Variants in IMMP2L observed in about 807,000 individuals in gnomAD.
IMMP2L encodes mitochondrial inner membrane protease subunit 2.
A neutral mutation model predicts 19.3 loss-of-function variants in IMMP2L; 18 were observed. The ratio of observed to expected loss-of-function variants is 0.93; its 90% CI spans 0.64 to 1.38. The LOEUF (loss-of-function observed/expected upper bound fraction) is 1.38, where lower values mean the gene tolerates loss of function less well. Among genes scored for constraint, IMMP2L ranks in the 40% most tolerant of loss-of-function variants. The pLI, the probability that IMMP2L is intolerant of heterozygous loss-of-function variation, is 0.00. For missense variants in IMMP2L, 233 were observed against 218.2 expected, an observed-to-expected ratio of 1.07 and a Z score of -0.43; for synonymous variants, 76 against 73.0, an observed-to-expected ratio of 1.04 and a Z score of -0.21.
intron 2 of IMMP2L, among the ~76,000 whole-genome samples, chr7:111,494,143 T>C (rs1333849300): frequency 2.6e-5 from 4 of 152,172 alleles, no homozygotes; most frequent in Non-Finnish European, 5.9e-5. Flanking sequence ...AATCCTAGAT[T>C]CCAAGAGACT....
intron 3 of IMMP2L, among the ~76,000 whole-genome samples, chr7:111,173,167 G>A (rs928406394): frequency 6.6e-6 from 1 of 151,420 alleles, no homozygotes; most frequent in Admixed American, 6.6e-5. Flanking sequence ...TGCAGTCATT[G>A]GAAGATTTTT....
intron 2 of IMMP2L, among the ~76,000 whole-genome samples, chr7:111,513,735 A>G (rs1310142617): frequency 6.6e-6 from 1 of 152,128 alleles, no homozygotes; most frequent in Non-Finnish European, 1.5e-5. Context: ...GGATAAAGAA[A>G]GTGTAGTCAG....
intron 3 of IMMP2L, among the ~76,000 whole-genome samples, chr7:111,457,426 C>A: frequency 6.6e-6 from 1 of 152,040 alleles, no homozygotes; most frequent in Non-Finnish European, 1.5e-5. Flanking sequence ...ATATTCCAAC[C>A]ATACTACTTG....
chr7:111,366,055 A>G lies in IMMP2L; in HGVS notation c.239+121183T>C, dbSNP rs567570001. Among the ~76,000 whole-genome samples, 5 of 152,232 alleles carry G rather than the reference A, an allele frequency of 3.3e-5. No homozygotes were observed. The East Asian group carries it at 9.7e-4, about 29-fold the overall frequency. ...CAACCATGACAATAAAGCCTGGTCC[A>G]GGCAAGAATTATTAGTAGATGCTAA... On this transcript the variant is annotated intron_variant, in intron 3 of 5. Transcript: ENST00000405709.
intron 4 of IMMP2L, among the ~76,000 whole-genome samples, chr7:110,910,190 G>C (rs1812904300): frequency 6.6e-6 from 1 of 152,092 alleles, no homozygotes; most frequent in Admixed American, 6.6e-5. Flanking sequence ...TTTTAAAGCA[G>C]CATAAATGCA....
chr7:110,898,458 A>T (rs990713185), intron 4 of IMMP2L, among the ~76,000 whole-genome samples: 3 of 152,150 alleles, frequency 2.0e-5, no homozygotes, highest in African/African-American at 7.2e-5. Context: ...GGATTTCTCA[A>T]ATGCTGGTTC....
chr7:111,310,940 C>T (rs1464511800), intron 3 of IMMP2L, among the ~76,000 whole-genome samples: 1 of 152,140 alleles, frequency 6.6e-6, no homozygotes, highest in Non-Finnish European at 1.5e-5. Context: ...TTCTCCTTTG[C>T]GCAAGGCAAG....
At chr7:111,094,251 A>C (rs565761773) in intron 3 of IMMP2L, among the ~76,000 whole-genome samples, 1 of 152,278 alleles carries the variant, frequency 6.6e-6, no homozygotes, top group South Asian at 2.1e-4. Context: ...TTTTAAAAAA[A>C]CACTTATGTA....
intron 3 of IMMP2L, among the ~76,000 whole-genome samples, chr7:111,299,301 T>C (rs1821962074): frequency 6.6e-6 from 1 of 152,130 alleles, no homozygotes. Flanking sequence ...AATTGAAAGC[T>C]ACATGAACAT....
chr7:110,764,998 T>G (rs1277778680), intron 5 of IMMP2L, among the ~76,000 whole-genome samples: 2 of 152,110 alleles, frequency 1.3e-5, no homozygotes, highest in African/African-American at 4.8e-5. Context: ...GGCTTGAACT[T>G]GAATCCCAAA....
At chr7:111,064,615 G>A (rs553647702) in intron 3 of IMMP2L, among the ~76,000 whole-genome samples, 2 of 152,218 alleles carry the variant, frequency 1.3e-5, no homozygotes, top group East Asian at 3.9e-4. Context: ...TGTTCCCACA[G>A]TATTATATTC....
intron 3 of IMMP2L, among the ~76,000 whole-genome samples, chr7:111,073,919 A>C (rs886090531): frequency 3.9e-5 from 6 of 152,198 alleles, no homozygotes; most frequent in Non-Finnish European, 7.3e-5. Context: ...GCATATAAGT[A>C]TGCATGTGTT....
intron 3 of IMMP2L, among the ~76,000 whole-genome samples, chr7:111,425,359 C>G (rs550883505): frequency 6.9e-6 from 1 of 145,310 alleles, no homozygotes; most frequent in Non-Finnish European, 1.6e-5. Flanking sequence ...TATGTTAAAA[C>G]TAGCAAATGT....
At chr7:111,496,604 G>A (rs781576463) in intron 2 of IMMP2L, among the ~76,000 whole-genome samples, 2 of 151,900 alleles carry the variant, frequency 1.3e-5, no homozygotes, top group Non-Finnish European at 2.9e-5. Flanking sequence ...ATTCTCTCTC[G>A]CTCTCTCTCT....
chr7:111,183,707 G>T (rs1214850626), intron 3 of IMMP2L, among the ~76,000 whole-genome samples: 2 of 151,972 alleles, frequency 1.3e-5, no homozygotes, highest in Non-Finnish European at 2.9e-5. Flanking sequence ...TGTTGTTGTT[G>T]TTGTTAAGTC....
intron 5 of IMMP2L, among the ~76,000 whole-genome samples, chr7:110,705,366 G>A (rs1794583987): frequency 1.3e-5 from 2 of 152,074 alleles, no homozygotes; most frequent in Admixed American, 6.6e-5. Flanking sequence ...TAAATGTACT[G>A]CATAGCACTT....
intron 5 of IMMP2L, among the ~76,000 whole-genome samples, chr7:110,792,165 C>G (rs976696234): frequency 6.6e-6 from 1 of 151,684 alleles, no homozygotes; most frequent in African/African-American, 2.4e-5. Flanking sequence ...GAGAGGCAGA[C>G]AGGTTTGACA....
At chr7:111,552,449 G>C (rs74977646) in intron 1 of IMMP2L, among the ~76,000 whole-genome samples, 2 of 151,960 alleles carry the variant, frequency 1.3e-5, no homozygotes, top group African/African-American at 2.4e-5. Flanking sequence ...CATCACACCC[G>C]GCTAATTTTT....
intron 1 of IMMP2L, among the ~76,000 whole-genome samples, chr7:111,546,309 A>G (rs1057353931): frequency 6.6e-6 from 1 of 152,142 alleles, no homozygotes; most frequent in Non-Finnish European, 1.5e-5. Flanking sequence ...ACACTTGCCT[A>G]GTTCCCTATA....
Sources: allele counts gnomAD v4.1 joint callset (sites outside exome capture counted in the v4.1 genomes callset), GRCh38; gene constraint gnomAD v4.1.1; transcripts MANE v1.5; gene names NCBI Gene and HGNC (gene_info 2026-07-23, HGNC 2026-07-21).